S100B: variants seen among roughly 807,000 people sequenced by gnomAD.
The protein encoded by S100B is S100 calcium binding protein B.
Under a neutral mutation model 7.7 loss-of-function variants are expected in S100B, and 6 were observed. That is an observed-to-expected ratio of 0.78 (90% CI 0.43 to 1.54). The LOEUF (loss-of-function observed/expected upper bound fraction) is 1.54. Ranked by LOEUF, S100B falls within the 40% of genes most tolerant of loss-of-function variation. The pLI, the probability that S100B is intolerant of heterozygous loss-of-function variation, is 0.01. For missense variants in S100B, 99 were observed against 111.8 expected, an observed-to-expected ratio of 0.89 and a Z score of 0.52; for synonymous variants, 36 against 40.4, an observed-to-expected ratio of 0.89 and a Z score of 0.41.
chr21:46,603,398 T>TGGGGGGGGGTGGGGGCGGGGGGGGGGGG, intron 1 of S100B, among the ~76,000 whole-genome samples: 1 of 52,070 alleles, frequency 1.9e-5, no homozygotes, highest in Admixed American at 2.2e-4. Flanking sequence ...CGGGAGGGGG[T>TGGGGGGGGGTGGGGGCGGGGGGGGGGGG]GGGGGCAGGA....
At chr21:46,600,114 G>A (rs1601893075) in intron 2 of S100B, among the ~76,000 whole-genome samples, 1 of 152,172 alleles carries the variant, frequency 6.6e-6, no homozygotes, top group East Asian at 1.9e-4. Context: ...CACAGTGCAG[G>A]GCTACAAACG....
At chr21:46,603,548 G>A (rs2061049047) in intron 1 of S100B, among the ~76,000 whole-genome samples, 1 of 152,220 alleles carries the variant, frequency 6.6e-6, no homozygotes, top group Non-Finnish European at 1.5e-5. Flanking sequence ...TGCCTTGTCA[G>A]TTGTTTCACA....
Position 46,602,583 on chromosome 21 carries a change from G to A in S100B, c.-1-167C>T, listed in dbSNP as rs1451158082. ...GCCTGGAGGGGCATTCTGGGAATTT[G>A]CACTTTTATCATAATCCTTCCACCG... On this transcript the variant is annotated intron_variant, in intron 1 of 2. Transcript: ENST00000291700. The A allele has an allele frequency of 3.0e-5, 19 of 633,472 alleles. No homozygotes were observed. In the South Asian group the frequency reaches 4.5e-4, roughly 15 times the overall value. The allele number at this position is 633,472 out of a possible 1,614,324, so 39.2% of individuals were successfully genotyped here. A position where few individuals can be genotyped will look rare whatever the true frequency, so the allele number is the denominator to read the frequency against.
At chr21:46,602,452 A>G (rs753871836) in intron 1 of S100B, 36 bp from the exon 2 acceptor site, 1 of 1,601,340 alleles carries the variant, frequency 6.2e-7, no homozygotes, top group Non-Finnish European at 8.5e-7. Flanking sequence ...CTTCTCATCT[A>G]TACCTCATCC....
chr21:46,600,242 G>A, intron 2 of S100B: 1 of 322,670 alleles, frequency 3.1e-6, no homozygotes, highest in South Asian at 2.3e-5. Flanking sequence ...CAGCTGCCTT[G>A]GCTATAAGAC....
Position 46,599,486 on chromosome 21 carries a change from C to A in S100B, c.156G>T (p.Glu52Asp), listed in dbSNP as rs760653239. 3 of 1,614,130 alleles carry A rather than the reference C, an allele frequency of 1.9e-6. No individual in the cohort carries two copies. The highest frequency in any genetic ancestry group is 8.5e-7 in the Non-Finnish European group (1 of 1,179,966). ...GTGTTTCCATGACTTTGTCCACAAC[C>A]TCCTGCTCTTTGATTTCCTAAGAGA... ...SHFLEEIKEQEVVDKVMETLD... is the reference protein window; with the variant it reads ...SHFLEEIKEQDVVDKVMETLD... The change falls in exon 3 of 3, where the codon GAG (glutamate) becomes GAT (aspartate). Residue 52 changes from glutamate to aspartate, a missense_variant. By Grantham distance (45) the Glu-to-Asp change is conservative. Transcript: ENST00000291700.
At chr21:46,599,925 T>G (rs148071585) in intron 2 of S100B, among the ~76,000 whole-genome samples, 77 of 152,350 alleles carry the variant, frequency 5.1e-4, no homozygotes, top group African/African-American at 1.8e-3. Context: ...TTTGAAAGTC[T>G]TCTTTGTTGC....
Position 46,599,075 on chromosome 21 carries a change from C to T in S100B, c.*288G>A. Reference sequence around the variant, plus strand: ...GGGTCTACACGGCCATGGCGGGCTGCACGGTGCACGCTTTATCACTGAGAC... The same window carrying T: ...GGGTCTACACGGCCATGGCGGGCTGTACGGTGCACGCTTTATCACTGAGAC... On this transcript the variant is annotated 3_prime_UTR_variant, in exon 3 of 3. Transcript: ENST00000291700. 5.1e-6 allele frequency: 2 copies of T among 395,962 alleles called. No homozygotes were observed. Among genetic ancestry groups the T allele is most frequent in the East Asian group, 4.9e-5 (1 of 20,232 alleles). The allele number at this position is 395,962 out of a possible 1,614,324, so 24.5% of individuals were successfully genotyped here.
At chr21:46,599,817 T>C (rs1197611729) in intron 2 of S100B, among the ~76,000 whole-genome samples, 1 of 152,030 alleles carries the variant, frequency 6.6e-6, no homozygotes, top group Non-Finnish European at 1.5e-5. Flanking sequence ...CCTGAGCAAA[T>C]GTCTTGAAAT....
rs761674648 is a variant in S100B, at chr21:46,599,064, A to T, written c.*299T>A. ...CCTCCGGGTTAGGGTCTACACGGCC[A>T]TGGCGGGCTGCACGGTGCACGCTTT... On this transcript the variant is annotated 3_prime_UTR_variant, in exon 3 of 3. Transcript: ENST00000291700. The T allele has an allele frequency of 2.0e-5, 7 of 351,104 alleles. No homozygotes were observed. Among genetic ancestry groups the T allele is most frequent in the Non-Finnish European group, 3.5e-5 (7 of 197,204 alleles). 21.7% of individuals were successfully genotyped at this position (351,104 alleles called of 1,614,324 possible).
chr21:46,602,631 T>C, intron 1 of S100B: 1 of 483,196 alleles, frequency 2.1e-6, no homozygotes, highest in Non-Finnish European at 3.6e-6. Context: ...GCTGTGGGCC[T>C]GCCTTCTCTG....
At chr21:46,601,628 C>T (rs2061041562) in intron 2 of S100B, among the ~76,000 whole-genome samples, 3 of 152,220 alleles carry the variant, frequency 2.0e-5, no homozygotes, top group South Asian at 2.1e-4. Context: ...CCCCACACAG[C>T]TTCCTAAAGT....
intron 2 of S100B, 37 bp from the exon 3 acceptor site, chr21:46,599,540 A>T: frequency 6.2e-7 from 1 of 1,606,876 alleles, no homozygotes; most frequent in African/African-American, 1.3e-5. Context: ...CCTTGTTTTT[A>T]AATGGAATTT....
At chr21:46,604,426 C>T (rs576796877) in intron 1 of S100B, among the ~76,000 whole-genome samples, 1 of 152,238 alleles carries the variant, frequency 6.6e-6, no homozygotes, top group African/African-American at 2.4e-5. Context: ...AACTGTGAGA[C>T]TGAGGAAAGT....
In S100B at chr21:46,599,085, G is replaced by T. The variant is rs1018610644; in HGVS notation, c.*278C>A. 143 of 457,954 alleles carry T rather than the reference G, an allele frequency of 3.1e-4. 1 individual carries two copies. Among genetic ancestry groups the T allele is most frequent in the Non-Finnish European group, 4.6e-4 (120 of 259,520 alleles). The allele number at this position is 457,954 out of a possible 1,614,324, so 28.4% of individuals were successfully genotyped here. A position where few individuals can be genotyped will look rare whatever the true frequency, so the allele number is the denominator to read the frequency against. On this transcript the variant is annotated 3_prime_UTR_variant, in exon 3 of 3. Coordinates refer to ENST00000291700, the MANE Select transcript of S100B (RefSeq NM_006272.3). The stretch of plus-strand genomic sequence containing the variant: ...GGCCATGGCGGGCTGCACGGTGCAC[G>T]CTTTATCACTGAGACCTGACTCCTA...
At position 46,599,188 on chromosome 21, in the gene S100B, G is replaced by A. The variant is rs1209870189; in HGVS notation, c.*175C>T. 6 of 637,362 alleles carry A rather than the reference G, an allele frequency of 9.4e-6. No homozygotes were observed. In the South Asian group the frequency reaches 9.7e-5, roughly 10 times the overall value. 39.5% of individuals were successfully genotyped at this position (637,362 alleles called of 1,614,324 possible). ...TATAGCAGAAAGAATGATGCAGGCCGTTAAAACAGCCTTTGGAAAGAGGTT... is the reference window on the plus strand; with the variant it reads ...TATAGCAGAAAGAATGATGCAGGCCATTAAAACAGCCTTTGGAAAGAGGTT... On this transcript the variant is annotated 3_prime_UTR_variant, in exon 3 of 3. Coordinates refer to ENST00000291700, the MANE Select transcript of S100B (RefSeq NM_006272.3).
intron 1 of S100B, chr21:46,602,667 C>T: frequency 2.7e-6 from 1 of 367,670 alleles, no homozygotes; most frequent in South Asian, 5.6e-5. Context: ...GGGATATATT[C>T]CCATGCCCTC....
intron 1 of S100B, among the ~76,000 whole-genome samples, chr21:46,603,398 T>TGGGGGGAGGGGGGGGG: frequency 1.9e-5 from 1 of 52,122 alleles, no homozygotes; most frequent in African/African-American, 7.1e-5. Flanking sequence ...CGGGAGGGGG[T>TGGGGGGAGGGGGGGGG]GGGGGCAGGA....
intron 2 of S100B, chr21:46,600,351 T>A: frequency 2.3e-6 from 1 of 440,968 alleles, no homozygotes; most frequent in South Asian, 1.6e-5. Flanking sequence ...GAGACCAGCC[T>A]GGGCAACATA....
Sources: allele counts gnomAD v4.1 joint callset (sites outside exome capture counted in the v4.1 genomes callset), GRCh38; gene constraint gnomAD v4.1.1; transcripts MANE v1.5; gene names NCBI Gene and HGNC (gene_info 2026-07-23, HGNC 2026-07-21).